AHCY: variants seen among roughly 807,000 people sequenced by gnomAD.
AHCY encodes S-adenosyl-L-homocysteine hydrolase.
A neutral mutation model predicts 45.4 loss-of-function variants in AHCY; 24 were observed. The observed-to-expected ratio is 0.53, with a 90% CI of 0.38 to 0.74. The LOEUF (loss-of-function observed/expected upper bound fraction) is 0.74. Ranked by LOEUF, AHCY falls within the 30% of genes least tolerant of loss-of-function variation. The pLI is 0.00. For synonymous variants in AHCY, 245 were observed against 235.1 expected (o/e 1.04, Z -0.39); for missense variants, 449 against 594.1 (o/e 0.76, Z 2.54).
the AHCY span, among the ~76,000 whole-genome samples, chr20:34,237,096 G>A: frequency 6.6e-6 from 1 of 151,992 alleles, no homozygotes; most frequent in Admixed American, 6.6e-5. Flanking sequence ...CTACACATTT[G>A]TCTTTATGCA....
chr20:34,263,890 C>T, the AHCY span, among the ~76,000 whole-genome samples: 2 of 151,740 alleles, frequency 1.3e-5, no homozygotes, highest in Non-Finnish European at 2.9e-5. Context: ...AGGCTGGTCT[C>T]GAACTCCTGA....
the AHCY span, among the ~76,000 whole-genome samples, chr20:34,242,657 T>TGGA: frequency 3.9e-5 from 6 of 152,392 alleles, no homozygotes; most frequent in South Asian, 1.0e-3. Context: ...AAACCTTTTC[T>TGGA]ACTTTCTCCA....
intron 8 of AHCY, among the ~76,000 whole-genome samples, chr20:34,288,364 C>A (rs1353895683): frequency 6.6e-6 from 1 of 152,178 alleles, no homozygotes; most frequent in African/African-American, 2.4e-5. Flanking sequence ...AAGAACCTCA[C>A]ATAGGTGGGC....
chr20:34,303,395 C>T (rs991000705), upstream of AHCY: 19 of 1,348,314 alleles, frequency 1.4e-5, no homozygotes, highest in East Asian at 7.5e-5. Context: ...ATCTTCCTCG[C>T]ACTTGCATAT....
intron 1 of AHCY, among the ~76,000 whole-genome samples, chr20:34,308,650 T>C (rs1216365129): frequency 6.6e-6 from 1 of 151,888 alleles, no homozygotes; most frequent in Non-Finnish European, 1.5e-5. Flanking sequence ...GTAATTAATT[T>C]GGCAATTTTT....
chr20:34,311,242 A>G (rs1013378593), intron 1 of AHCY, among the ~76,000 whole-genome samples: 1 of 152,252 alleles, frequency 6.6e-6, no homozygotes, highest in African/African-American at 2.4e-5. Context: ...AGAAAAGAAC[A>G]CACAAACAGG....
At chr20:34,241,347 G>T in the AHCY span, 1 of 622,842 alleles carries the variant, frequency 1.6e-6, no homozygotes, top group Admixed American at 6.3e-5. Context: ...TGTGAGATGT[G>T]GTGAAGTTTG....
chr20:34,249,722 C>A, the AHCY span, among the ~76,000 whole-genome samples: 1 of 152,200 alleles, frequency 6.6e-6, no homozygotes, highest in South Asian at 2.1e-4. Flanking sequence ...ACTTGTCTCT[C>A]TTCCCTGCAC....
the AHCY span, among the ~76,000 whole-genome samples, chr20:34,243,023 A>C: frequency 6.6e-6 from 1 of 152,234 alleles, no homozygotes; most frequent in Non-Finnish European, 1.5e-5. Context: ...ATGTCAGGAG[A>C]TCTAAAACAA....
chr20:34,232,569 T>C, the AHCY span, among the ~76,000 whole-genome samples: 1 of 152,130 alleles, frequency 6.6e-6, no homozygotes, highest in African/African-American at 2.4e-5. Flanking sequence ...TGAATAAGTC[T>C]CAGGAGGATC....
upstream of AHCY, among the ~76,000 whole-genome samples, chr20:34,303,510 T>C (rs577870998): frequency 8.5e-5 from 13 of 152,294 alleles, no homozygotes; most frequent in African/African-American, 3.1e-4. Flanking sequence ...CCCAGGAGTC[T>C]CACTCACCGG....
At chr20:34,253,027 T>G in the AHCY span, among the ~76,000 whole-genome samples, 1 of 152,240 alleles carries the variant, frequency 6.6e-6, no homozygotes, top group Admixed American at 6.5e-5. Flanking sequence ...AGAAACAATT[T>G]TTCTTAGTAC....
chr20:34,294,343 A>C (rs1051798315), intron 2 of AHCY, among the ~76,000 whole-genome samples, 187 bp from the exon 3 acceptor site: 1 of 152,190 alleles, frequency 6.6e-6, no homozygotes, highest in African/African-American at 2.4e-5. Flanking sequence ...GCGAGATCCA[A>C]CTCAGGTTTT....
At chr20:34,275,408 AGGCATGAGTCACC>A (rs1473437091), downstream of AHCY, among the ~76,000 whole-genome samples, 1 of 152,114 alleles carries the variant, frequency 6.6e-6, no homozygotes, top group African/African-American at 2.4e-5. Flanking sequence ...CTGGGATTAC[AGGCATGAGTCACC>A]ACACCCGGCC....
chr20:34,306,370 CTT>C (rs11478081), upstream of AHCY, among the ~76,000 whole-genome samples: 253 of 137,762 alleles, frequency 1.8e-3, no homozygotes, highest in Admixed American at 2.1e-3. Flanking sequence ...ATTTCAGCTT[CTT>C]TTTTTTTTTT....
At chr20:34,259,039 C>A in the AHCY span, among the ~76,000 whole-genome samples, 1 of 147,778 alleles carries the variant, frequency 6.8e-6, no homozygotes, top group Non-Finnish European at 1.5e-5. Flanking sequence ...TTCATCCCTA[C>A]AAAAAAAAAT....
At chr20:34,308,544 T>C (rs528794324) in intron 1 of AHCY, among the ~76,000 whole-genome samples, 1 of 152,244 alleles carries the variant, frequency 6.6e-6, no homozygotes, top group Non-Finnish European at 1.5e-5. Flanking sequence ...AGAGAGACTC[T>C]GTCTAAAGAA....
chr20:34,274,395 T>TA, the AHCY span, among the ~76,000 whole-genome samples: 1 of 152,064 alleles, frequency 6.6e-6, no homozygotes, highest in Non-Finnish European at 1.5e-5. Context: ...CCTAGGCCCT[T>TA]AAACACCAGG....
At chr20:34,269,002 G>A in the AHCY span, 37 of 1,606,580 alleles carry the variant, frequency 2.3e-5, no homozygotes, top group Non-Finnish European at 3.1e-5. Context: ...AGGAGGCTTC[G>A]ATGAAGAAAG....
Sources: allele counts gnomAD v4.1 joint callset (sites outside exome capture counted in the v4.1 genomes callset), GRCh38; gene constraint gnomAD v4.1.1; transcripts MANE v1.5; gene names NCBI Gene and HGNC (gene_info 2026-07-23, HGNC 2026-07-21).